Variants in RANGAP1 observed in about 807,000 individuals in gnomAD.
The protein encoded by RANGAP1 is ran GTPase-activating protein 1.
RANGAP1 carries 38 observed loss-of-function variants against 63.5 expected under a neutral mutation model. The ratio of observed to expected loss-of-function variants is 0.60; its 90% CI spans 0.46 to 0.78. The LOEUF (loss-of-function observed/expected upper bound fraction) is 0.78. RANGAP1 is among the 30% of genes least tolerant of loss of function. The pLI, the probability that RANGAP1 is intolerant of heterozygous loss-of-function variation, is 0.00. For missense variants in RANGAP1, 630 were observed against 740.3 expected (o/e 0.85, Z 1.73); for synonymous variants, 329 against 310.5 (o/e 1.06, Z -0.63).
chr22:41,252,772 C>G, intron 12 of RANGAP1, 100 bp downstream of exon 12: 1 of 1,324,160 alleles, frequency 7.6e-7, no homozygotes, highest in South Asian at 1.9e-5. Flanking sequence ...CCCCAGCTGA[C>G]AGCGTCGCAC....
In RANGAP1 at chr22:41,246,662, C is replaced by T. The variant is rs370686595; in HGVS notation, c.1705G>A (p.Ala569Thr). 5.8e-6 allele frequency: 9 copies of T among 1,562,302 alleles called. No homozygotes were observed. Among genetic ancestry groups the T allele is most frequent in the South Asian group, 4.7e-5 (4 of 84,822 alleles). ...LLAFVTKPNS[A>T]LESCSFARHS... is the part of the protein sequence containing the mutation. ...CGGGCGAAGGAGCAGGATTCCAGGG[C>T]GCTGTTGGGCCTGCGGGGAAAGAGG... The change falls in exon 16 of 16, where the codon GCC becomes ACC. Residue 569 changes from alanine to threonine, a missense_variant. By Grantham distance (58) the Ala-to-Thr change is moderately conservative. Coordinates refer to ENST00000356244, the MANE Select transcript of RANGAP1 (RefSeq NM_002883.4).
rs569628720 is a variant in RANGAP1 at position 41,249,570 on chromosome 22, G to A, written c.1573-119C>T. 29 of 1,546,422 alleles carry A rather than the reference G, an allele frequency of 1.9e-5. No individual in the cohort carries two copies. In the East Asian group the frequency reaches 2.8e-4, roughly 15 times the overall value. ...AACTGAGTCTAGCCGGAATCTCATC[G>A]TGAAGACCAAGGCTGCTGGGGCAGA... On this transcript the variant is annotated intron_variant, in intron 14 of 15. Transcript: ENST00000356244.
intron 3 of RANGAP1, among the ~76,000 whole-genome samples, chr22:41,268,918 C>T (rs996154181): frequency 4.6e-5 from 7 of 152,024 alleles, no homozygotes; most frequent in African/African-American, 9.7e-5. Flanking sequence ...AGCATAGTGA[C>T]GGGGACTTTT....
chr22:41,289,489 G>A (rs2035813259), upstream of RANGAP1, among the ~76,000 whole-genome samples: 1 of 151,938 alleles, frequency 6.6e-6, no homozygotes. Context: ...TGGGCATGGT[G>A]GCAGACACCT....
chr22:41,279,201 T>C (rs1201269460), intron 2 of RANGAP1, among the ~76,000 whole-genome samples: 2 of 151,516 alleles, frequency 1.3e-5, no homozygotes, highest in Non-Finnish European at 2.9e-5. Flanking sequence ...CCAGACACAG[T>C]GGCTCACGCC....
chr22:41,289,774 A>G (rs2035816882), upstream of RANGAP1, among the ~76,000 whole-genome samples: 4 of 152,184 alleles, frequency 2.6e-5, no homozygotes, highest in Admixed American at 1.3e-4. Flanking sequence ...TGACAGATGG[A>G]TAGTGTCATC....
rs552381884 is a variant in RANGAP1, at chr22:41,272,004, C to T, written c.240+2596G>A. Among the ~76,000 whole-genome samples the T allele has an allele frequency of 8.5e-5, 13 of 152,312 alleles. No individual in the cohort carries two copies. The South Asian group carries it at 1.9e-3, about 22-fold the overall frequency. The stretch of plus-strand genomic sequence containing the variant: ...GGGAAGGTGCATGCAGCACTCCTAC[C>T]GGCCAGGCTCTCCCAGGACAACCTC... On this transcript the variant is annotated intron_variant, in intron 3 of 15. Coordinates refer to ENST00000356244, the MANE Select transcript of RANGAP1 (RefSeq NM_002883.4).
the RANGAP1 span, among the ~76,000 whole-genome samples, chr22:41,294,186 C>T: frequency 5.2e-4 from 79 of 152,198 alleles, no homozygotes; most frequent in African/African-American, 1.8e-3. Context: ...CGAGTGCCTG[C>T]GATTGAAGGC....
chr22:41,297,037 C>T, the RANGAP1 span, among the ~76,000 whole-genome samples: 6 of 152,120 alleles, frequency 3.9e-5, no homozygotes, highest in Admixed American at 2.6e-4. Flanking sequence ...ACGGTGAAAA[C>T]CGTTACTACC....
intron 2 of RANGAP1, among the ~76,000 whole-genome samples, chr22:41,277,004 C>G (rs1438468684): frequency 6.8e-6 from 1 of 146,198 alleles, no homozygotes; most frequent in Admixed American, 6.9e-5. Flanking sequence ...AAAAAAAAGA[C>G]TGTGTTAGAA....
At position 41,249,822 on chromosome 22, in the gene RANGAP1, A is replaced by C. The variant is rs1462036492; in HGVS notation, c.1484-5T>G. 1 of 1,612,382 alleles carries C rather than the reference A, an allele frequency of 6.2e-7. No individual in the cohort carries two copies. ...AAGCCTTCTGCATCAGGGCATCTGT[A>C]GGGCAGAAGCAGCAGGGGCAGGCTG... On this transcript the variant is annotated splice_region_variant and splice_polypyrimidine_tract_variant and intron_variant, in intron 13 of 15. Coordinates refer to ENST00000356244, the MANE Select transcript of RANGAP1 (RefSeq NM_002883.4).
At chr22:41,255,093 C>A (rs1348439435) in intron 10 of RANGAP1, among the ~76,000 whole-genome samples, 1 of 152,024 alleles carries the variant, frequency 6.6e-6, no homozygotes, top group Non-Finnish European at 1.5e-5. Context: ...GAGCCCAGGG[C>A]TTGGCAGGAA....
At chr22:41,272,774 A>G (rs2034914363) in intron 3 of RANGAP1, among the ~76,000 whole-genome samples, 2 of 151,826 alleles carry the variant, frequency 1.3e-5, no homozygotes, top group South Asian at 4.2e-4. Flanking sequence ...TTGGCCTCCC[A>G]AAGTGCTAGG....
At chr22:41,268,216 G>T in intron 3 of RANGAP1, 60 bp from the exon 4 acceptor site, 1 of 1,351,132 alleles carries the variant, frequency 7.4e-7, no homozygotes, top group Non-Finnish European at 1.0e-6. Context: ...CCATAGTGAA[G>T]CCTCATCCTG....
Position 41,281,097 on chromosome 22 carries a change from G to C in RANGAP1, c.-38-15C>G. ...AGATCTGCAGACTGAGGAGGCCAAA[G>C]TTGCAGTAAGAAAAAGGAGTCTCCT... On this transcript the variant is annotated splice_polypyrimidine_tract_variant and intron_variant, in intron 1 of 15. Transcript: ENST00000356244. 6.6e-7 allele frequency: 1 copy of C among 1,523,944 alleles called. No individual in the cohort carries two copies. The highest frequency in any genetic ancestry group is 8.7e-7 in the Non-Finnish European group (1 of 1,145,462). The allele number at this position is 1,523,944 out of a possible 1,614,324, so 94.4% of individuals were successfully genotyped here.
At chr22:41,249,496 T>TG (rs139500) in intron 14 of RANGAP1, 45 bp from the exon 15 acceptor site, 4 of 1,610,048 alleles carry the variant, frequency 2.5e-6, no homozygotes, top group East Asian at 2.2e-5. Flanking sequence ...CAAAGTCACC[T>TG]GGGGGGGCCC....
At chr22:41,292,694 C>G in the RANGAP1 span, among the ~76,000 whole-genome samples, 2 of 151,852 alleles carry the variant, frequency 1.3e-5, no homozygotes. Context: ...TTGCATGAGC[C>G]GAAATCATGC....
At chr22:41,250,470 C>G (rs891084622) in intron 13 of RANGAP1, among the ~76,000 whole-genome samples, 3 of 152,160 alleles carry the variant, frequency 2.0e-5, no homozygotes, top group Non-Finnish European at 4.4e-5. Flanking sequence ...GAGGCTCAGT[C>G]AAGCACATGG....
intron 13 of RANGAP1, 124 bp from the exon 14 acceptor site, chr22:41,249,941 C>T (rs1029479618): frequency 1.0e-5 from 8 of 799,110 alleles, no homozygotes; most frequent in East Asian, 2.7e-5. Flanking sequence ...GACGAAGAGG[C>T]GAACACGAGA....
Sources: gnomAD v4.1 joint callset for allele counts (sites outside exome capture counted in the v4.1 genomes callset) on GRCh38, gnomAD v4.1.1 for gene constraint, MANE v1.5 for transcripts, NCBI Gene and HGNC (gene_info 2026-07-23, HGNC 2026-07-21) for gene names.